Variants in BAZ2B observed in about 807,000 individuals in gnomAD.
BAZ2B encodes bromodomain adjacent to zinc finger domain 2B, also known as bromodomain adjacent to zinc finger domain protein 2B.
Under a neutral mutation model 246.0 loss-of-function variants are expected in BAZ2B, and 91 were observed. That is an observed-to-expected ratio of 0.37 (90% CI 0.31 to 0.44). The LOEUF is 0.44. Among genes scored for constraint, BAZ2B ranks in the 20% least tolerant of loss-of-function variants. BAZ2B has a pLI of 1.00. For synonymous variants in BAZ2B, 855 were observed against 860.0 expected (o/e 0.99, Z 0.10); for missense variants, 2,332 against 2,533.7 (o/e 0.92, Z 1.71).
At chr2:159,481,426 AT>A (rs1577596281) in intron 2 of BAZ2B, among the ~76,000 whole-genome samples, 1 of 150,804 alleles carries the variant, frequency 6.6e-6, no homozygotes, top group Non-Finnish European at 1.5e-5. Flanking sequence ...ATAATAAAAA[AT>A]ATATATATAA....
At chr2:159,410,823 G>A (rs940578053) in intron 14 of BAZ2B, among the ~76,000 whole-genome samples, 46 of 152,204 alleles carry the variant, frequency 3.0e-4, no homozygotes, top group African/African-American at 1.1e-3. Context: ...TTAGAAAAGT[G>A]TAATATATAT....
chr2:159,571,408 A>G (rs950632738), intron 1 of BAZ2B, among the ~76,000 whole-genome samples: 1 of 152,018 alleles, frequency 6.6e-6, no homozygotes, highest in Non-Finnish European at 1.5e-5. Context: ...TTTGATCTTT[A>G]CCCCTAGTTA....
At chr2:159,623,028 A>G in the BAZ2B span, among the ~76,000 whole-genome samples, 2 of 113,710 alleles carry the variant, frequency 1.8e-5, no homozygotes, top group Non-Finnish European at 3.6e-5. Flanking sequence ...AAAGAAAAGA[A>G]GAAAGAAAGA....
chr2:159,535,388 G>A (rs890217382), intron 2 of BAZ2B, among the ~76,000 whole-genome samples: 3 of 146,192 alleles, frequency 2.1e-5, no homozygotes, highest in Non-Finnish European at 4.4e-5. Context: ...TGGGCATGGT[G>A]GCATGTGCCT....
intron 6 of BAZ2B, among the ~76,000 whole-genome samples, chr2:159,441,052 G>T (rs1409240811): frequency 2.6e-5 from 4 of 152,212 alleles, no homozygotes; most frequent in African/African-American, 7.2e-5. Flanking sequence ...CCATTTATTT[G>T]TCAAAGAAAC....
chr2:159,637,326 G>A, the BAZ2B span, among the ~76,000 whole-genome samples: 1 of 152,202 alleles, frequency 6.6e-6, no homozygotes, highest in African/African-American at 2.4e-5. Flanking sequence ...CCACTGTCCT[G>A]AGTGTGAGTC....
At chr2:159,550,216 G>A (rs1454509863) in intron 2 of BAZ2B, among the ~76,000 whole-genome samples, 2 of 152,154 alleles carry the variant, frequency 1.3e-5, no homozygotes, top group African/African-American at 4.8e-5. Context: ...GTGACAGAAA[G>A]CCCAAAAGTG....
chr2:159,363,708 C>A (rs945131833), intron 27 of BAZ2B, among the ~76,000 whole-genome samples: 1 of 152,068 alleles, frequency 6.6e-6, no homozygotes, highest in Non-Finnish European at 1.5e-5. Context: ...AATTGAGAGA[C>A]GGCCTAATTC....
the BAZ2B span, among the ~76,000 whole-genome samples, chr2:159,631,074 T>A: frequency 6.6e-6 from 1 of 152,076 alleles, no homozygotes; most frequent in Non-Finnish European, 1.5e-5. Flanking sequence ...TACACACCTG[T>A]AGTCCCAGGT....
chr2:159,689,431 G>A, the BAZ2B span: 3 of 243,620 alleles, frequency 1.2e-5, no homozygotes, highest in Non-Finnish European at 2.3e-5. Context: ...GAGTGCAGTG[G>A]CACGATCTCG....
At chr2:159,460,959 T>C (rs2076334359) in intron 3 of BAZ2B, 1 of 152,516 alleles carries the variant, frequency 6.6e-6, no homozygotes. Flanking sequence ...ATATTTCTAT[T>C]AGACTATCTC....
At chr2:159,367,578 G>A (rs2060352013) in intron 27 of BAZ2B, among the ~76,000 whole-genome samples, 1 of 151,972 alleles carries the variant, frequency 6.6e-6, no homozygotes, top group Non-Finnish European at 1.5e-5. Context: ...TACTTTTAAG[G>A]AACTTTTAAA....
At chr2:159,536,577 AT>A (rs2086020656) in intron 2 of BAZ2B, among the ~76,000 whole-genome samples, 1 of 152,154 alleles carries the variant, frequency 6.6e-6, no homozygotes, top group Non-Finnish European at 1.5e-5. Flanking sequence ...ATGGTTCTGA[AT>A]TTTTTGCATT....
chr2:159,546,436 T>C (rs917214699), intron 2 of BAZ2B, among the ~76,000 whole-genome samples: 2 of 149,810 alleles, frequency 1.3e-5, no homozygotes, highest in Admixed American at 6.7e-5. Flanking sequence ...CTCTTTCTTT[T>C]GTAAATTGCC....
intron 2 of BAZ2B, among the ~76,000 whole-genome samples, chr2:159,504,310 T>C (rs1217075483): frequency 6.6e-6 from 1 of 152,148 alleles, no homozygotes; most frequent in African/African-American, 2.4e-5. Context: ...CCTCTTAATT[T>C]TAATAAAGTG....
At chr2:159,370,269 T>C (rs2060682159) in intron 27 of BAZ2B, among the ~76,000 whole-genome samples, 2 of 151,584 alleles carry the variant, frequency 1.3e-5, no homozygotes, top group Non-Finnish European at 1.5e-5. Context: ...TGTATACATA[T>C]GTAACAAATC....
chr2:159,479,996 C>T (rs184065728), intron 2 of BAZ2B, among the ~76,000 whole-genome samples: 59 of 152,188 alleles, frequency 3.9e-4, no homozygotes, highest in African/African-American at 1.3e-3. Context: ...GGCATAGTTG[C>T]TACTGATGGC....
chr2:159,448,319 G>A lies in BAZ2B; in HGVS notation c.425C>T (p.Pro142Leu), dbSNP rs2074553404. ...PLLGIPPLFA[P>L]PAQNHDSSSF... ...AGAAGAATCATGATTCTGGGCTGGG[G>A]GAGCAAATAGTGGTGGAATTCCCAG... Residue 142 changes from proline to leucine, a missense_variant, in exon 5 of 37, where the codon CCC becomes CTC. Physicochemically the swap from Pro to Leu is moderately conservative, Grantham distance 98 (BLOSUM62 -3). This residue lies in a region of BAZ2B where 242 missense variants were observed against 237.4 expected (regional missense o/e 1.02). Transcript: ENST00000392783. 1 of 1,613,216 alleles carries A rather than the reference G, an allele frequency of 6.2e-7. No individual in the cohort carries two copies. The highest frequency in any genetic ancestry group is 1.3e-5 in the African/African-American group (1 of 74,810).
chr2:159,333,357 TA>T (rs1244016715), intron 33 of BAZ2B, among the ~76,000 whole-genome samples: 6 of 152,178 alleles, frequency 3.9e-5, no homozygotes, highest in Admixed American at 2.6e-4. Context: ...GGTCATTATT[TA>T]TTTTTTTAGA....
Sources: allele counts gnomAD v4.1 joint callset (sites outside exome capture counted in the v4.1 genomes callset), GRCh38; gene constraint gnomAD v4.1.1; regional missense constraint gnomAD v4.1.1; transcripts MANE v1.5; gene names NCBI Gene and HGNC (gene_info 2026-07-23, HGNC 2026-07-21).